Variants in COL5A1 observed in about 807,000 individuals in gnomAD.
COL5A1 encodes collagen type V alpha 1 chain, also known as collagen alpha-1(V) chain.
In COL5A1, 16 loss-of-function variants were observed where a neutral mutation model predicts 263.7. That is an observed-to-expected ratio of 0.06 (90% CI 0.04 to 0.09). The LOEUF (loss-of-function observed/expected upper bound fraction) is 0.09. Among genes scored for constraint, COL5A1 ranks in the 10% least tolerant of loss-of-function variants. The pLI is 1.00. For missense variants in COL5A1, 2,036 were observed against 2,540.5 expected, an observed-to-expected ratio of 0.80 and a Z score of 4.27; for synonymous variants, 1,012 against 1,004.5, an observed-to-expected ratio of 1.01 and a Z score of -0.14.
rs1832820552 is a variant in COL5A1, at chr9:134,680,478, C to T, written c.110-10434C>T. Among the ~76,000 whole-genome samples the T allele has an allele frequency of 6.6e-6, 1 of 152,196 alleles. No homozygotes were observed. Among genetic ancestry groups the T allele is most frequent in the African/African-American group, 2.4e-5 (1 of 41,450 alleles). ...ACACCTGTACCTGTTCCTCCATGAC[C>T]CATGGCTGAGGACACCAACCTGGTC... On this transcript the variant is annotated intron_variant, in intron 1 of 65. Transcript: ENST00000371817. The surrounding 1 kb of genome is among the most constrained non-coding windows in gnomAD (Gnocchi z 5.9).
At chr9:134,793,386 G>GGGA (rs1554801161) in intron 32 of COL5A1, among the ~76,000 whole-genome samples, 4 of 151,756 alleles carry the variant, frequency 2.6e-5, no homozygotes, top group African/African-American at 7.3e-5. Flanking sequence ...AAGGAGGCTG[G>GGGA]GGGGGGCATT....
At chr9:134,737,289 C>T (rs112575768) in intron 9 of COL5A1, among the ~76,000 whole-genome samples, 20 of 152,364 alleles carry the variant, frequency 1.3e-4, no homozygotes, top group Middle Eastern at 3.4e-3. Flanking sequence ...GCCGAGGCCA[C>T]ACCCACACCC....
chr9:134,658,371 TC>T (rs1832089389), intron 1 of COL5A1, among the ~76,000 whole-genome samples: 2 of 152,162 alleles, frequency 1.3e-5, no homozygotes, highest in Admixed American at 1.3e-4. Flanking sequence ...CCTCTTTCTT[TC>T]CTTTTCTGGC....
At position 134,753,920 on chromosome 9, in the gene COL5A1, C is replaced by G. The variant is rs1564433548; in HGVS notation, c.1773+17C>G. ...GGGCCTCAGGTATGTGGGATCCTTGCCTTCGCTGTCTGGTGGGCGCCTCCC... is the reference window on the plus strand; with the variant it reads ...GGGCCTCAGGTATGTGGGATCCTTGGCTTCGCTGTCTGGTGGGCGCCTCCC... On this transcript the variant is annotated intron_variant, in intron 15 of 65. Transcript: ENST00000371817. The G allele has an allele frequency of 6.2e-7, 1 of 1,610,650 alleles. No individual in the cohort carries two copies. The highest frequency in any genetic ancestry group is 8.5e-7 in the Non-Finnish European group (1 of 1,177,222).
chr9:134,750,181 A>G (rs1282077575), intron 11 of COL5A1, among the ~76,000 whole-genome samples: 3 of 152,262 alleles, frequency 2.0e-5, no homozygotes, highest in African/African-American at 7.2e-5. Flanking sequence ...ATGGAGACCT[A>G]AAAGGGGCGT....
At chr9:134,739,511 C>T (rs1427335563) in intron 11 of COL5A1, among the ~76,000 whole-genome samples, 1 of 152,206 alleles carries the variant, frequency 6.6e-6, no homozygotes, top group Non-Finnish European at 1.5e-5. Flanking sequence ...GCCTGCTGTC[C>T]GGGGCAGAGT....
At chr9:134,808,544 T>TACATGTTGGTGCATATTCACACGTGTGC (rs574323697) in intron 42 of COL5A1, among the ~76,000 whole-genome samples, 2 of 152,320 alleles carry the variant, frequency 1.3e-5, no homozygotes, top group African/African-American at 4.8e-5. Flanking sequence ...TCCTTGTGTG[T>TACATGTTGGTGCATATTCACACGTGTGC]ACATGTTGGT....
At chr9:134,650,840 C>G (rs1476766950) in intron 1 of COL5A1, among the ~76,000 whole-genome samples, 1 of 152,272 alleles carries the variant, frequency 6.6e-6, no homozygotes, top group East Asian at 1.9e-4. Flanking sequence ...GATCCTCAAA[C>G]CCGCCCTTCG....
At chr9:134,745,434 C>T (rs1020368416) in intron 11 of COL5A1, among the ~76,000 whole-genome samples, 1 of 152,136 alleles carries the variant, frequency 6.6e-6, no homozygotes, top group Non-Finnish European at 1.5e-5. Context: ...TGGGTGAGTC[C>T]AGGAGTCTTT....
At chr9:134,717,890 G>T (rs868628503) in intron 4 of COL5A1, among the ~76,000 whole-genome samples, 8 of 152,118 alleles carry the variant, frequency 5.3e-5, no homozygotes, top group Admixed American at 2.0e-4. Flanking sequence ...GTCATGGGGG[G>T]GCTGGCTCAA....
intron 29 of COL5A1, among the ~76,000 whole-genome samples, chr9:134,783,546 C>T (rs532730621): frequency 2.6e-4 from 40 of 152,294 alleles, no homozygotes; most frequent in South Asian, 6.2e-4. Flanking sequence ...CCTCGGCCTC[C>T]GGTGGGCACA....
intron 1 of COL5A1, among the ~76,000 whole-genome samples, chr9:134,650,960 C>A (rs182090270): frequency 6.6e-6 from 1 of 152,352 alleles, no homozygotes; most frequent in Non-Finnish European, 1.5e-5. Context: ...ACACGGCCTG[C>A]ATGTTGGTGC....
chr9:134,731,632 T>G lies in COL5A1; in HGVS notation c.1301T>G (p.Met434Arg). Residue 434 changes from methionine to arginine, a missense_variant, in exon 8 of 66, where the codon ATG becomes AGG. Transcript: ENST00000371817. ...TCCCCGTCGGAGATCGGGCCGGGAATGCCGGCGAACCAGGATACCATCTAT... is the reference window on the plus strand; with the variant it reads ...TCCCCGTCGGAGATCGGGCCGGGAAGGCCGGCGAACCAGGATACCATCTAT... ...TSSPSEIGPG[M>R]PANQDTIYEG... 1.2e-6 allele frequency: 2 copies of G among 1,613,942 alleles called. No homozygotes were observed. The highest frequency in any genetic ancestry group is 1.7e-6 in the Non-Finnish European group (2 of 1,179,938).
intron 44 of COL5A1, among the ~76,000 whole-genome samples, chr9:134,810,867 T>C (rs926764241): frequency 8.2e-6 from 1 of 122,528 alleles, no homozygotes; most frequent in Admixed American, 7.4e-5. Flanking sequence ...GGCTGTGTCC[T>C]TCTTCCAGCC....
intron 1 of COL5A1, among the ~76,000 whole-genome samples, chr9:134,685,568 TCATCCATCCATCCATCCTC>T (rs1833031658): frequency 4.3e-5 from 4 of 92,724 alleles, no homozygotes; most frequent in Non-Finnish European, 6.5e-5. Flanking sequence ...ATCCATCTAT[TCATCCATCCATCCATCCTC>T]CATCCATCCA....
chr9:134,692,671 C>A (rs1176344672), intron 2 of COL5A1, among the ~76,000 whole-genome samples: 2 of 152,210 alleles, frequency 1.3e-5, no homozygotes, highest in Admixed American at 1.3e-4. Flanking sequence ...TCACCCAATT[C>A]TGGGGTGTGG....
chr9:134,740,706 G>T (rs1430900501), intron 11 of COL5A1, among the ~76,000 whole-genome samples: 5 of 152,196 alleles, frequency 3.3e-5, no homozygotes, highest in African/African-American at 1.2e-4. Flanking sequence ...ACCTCACCAT[G>T]CGGTCCCTGC....
chr9:134,737,451 C>T (rs187075171), intron 9 of COL5A1, among the ~76,000 whole-genome samples: 2 of 152,304 alleles, frequency 1.3e-5, no homozygotes, highest in African/African-American at 4.8e-5. Flanking sequence ...TGTGGTCCCC[C>T]AGGTCCTAGC....
At chr9:134,675,617 G>T (rs74403274) in intron 1 of COL5A1, among the ~76,000 whole-genome samples, 5 of 152,168 alleles carry the variant, frequency 3.3e-5, no homozygotes, top group African/African-American at 1.2e-4. Flanking sequence ...GTGAATCTGC[G>T]TTTTGAGCAC....
Sources: gnomAD v4.1 joint callset for allele counts (sites outside exome capture counted in the v4.1 genomes callset) on GRCh38, gnomAD v4.1.1 for gene constraint, Gnocchi (gnomAD v3.1) non-coding constraint, MANE v1.5 for transcripts, NCBI Gene and HGNC (gene_info 2026-07-23, HGNC 2026-07-21) for gene names.